Variants in RYR3 observed in about 807,000 individuals in gnomAD.
The protein encoded by RYR3 is ryanodine receptor 3.
RYR3 carries 207 observed loss-of-function variants against 584.3 expected under a neutral mutation model. That is an observed-to-expected ratio of 0.35 (90% CI 0.32 to 0.40). The LOEUF (loss-of-function observed/expected upper bound fraction) is 0.40. RYR3 is among the 10% of genes least tolerant of loss of function. The probability of loss-of-function intolerance (pLI) is 1.00; values close to 1 mark genes in which losing one functional copy is unlikely to be tolerated. For synonymous variants in RYR3, 2,416 were observed against 2,248.5 expected (o/e 1.07, Z -2.11); for missense variants, 5,616 against 6,089.2 (o/e 0.92, Z 2.59).
intron 60 of RYR3, among the ~76,000 whole-genome samples, chr15:33,766,791 C>G (rs1049205289): frequency 6.6e-6 from 1 of 152,212 alleles, no homozygotes; most frequent in African/African-American, 2.4e-5. Flanking sequence ...CATCTGCAGC[C>G]CTTTGCCCGT....
intron 1 of RYR3, among the ~76,000 whole-genome samples, chr15:33,437,840 C>A (rs1031241457): frequency 6.6e-6 from 1 of 152,170 alleles, no homozygotes; most frequent in Non-Finnish European, 1.5e-5. Context: ...TCAAGTGTTC[C>A]TCCCACCTCA....
intron 2 of RYR3, among the ~76,000 whole-genome samples, chr15:33,488,653 C>T (rs557319980): frequency 6.6e-6 from 1 of 152,042 alleles, no homozygotes; most frequent in Non-Finnish European, 1.5e-5. Flanking sequence ...GAGATCGAGA[C>T]CATCCTGGCC....
At chr15:33,546,496 A>T (rs1220054626) in intron 8 of RYR3, among the ~76,000 whole-genome samples, 1 of 152,192 alleles carries the variant, frequency 6.6e-6, no homozygotes, top group African/African-American at 2.4e-5. Flanking sequence ...AAGATTGAGA[A>T]ATAGCCTCTG....
chr15:33,338,665 T>C (rs1012085799), intron 1 of RYR3, among the ~76,000 whole-genome samples: 2 of 152,070 alleles, frequency 1.3e-5, no homozygotes, highest in Admixed American at 6.6e-5. Flanking sequence ...GGGAGGCAGG[T>C]TTTCGTGACC....
intron 16 of RYR3, among the ~76,000 whole-genome samples, chr15:33,591,277 T>C (rs1449203212): frequency 6.6e-6 from 1 of 152,254 alleles, no homozygotes; most frequent in Non-Finnish European, 1.5e-5. Context: ...TCCTCTCTTA[T>C]GATTTGTTCT....
chr15:33,781,865 G>C (rs1484122417), intron 65 of RYR3, among the ~76,000 whole-genome samples: 2 of 151,598 alleles, frequency 1.3e-5, no homozygotes, highest in South Asian at 2.1e-4. Flanking sequence ...AAAAAGGGGG[G>C]GGGGATTTCC....
intron 2 of RYR3, among the ~76,000 whole-genome samples, chr15:33,499,657 T>G (rs1023428092): frequency 6.6e-6 from 1 of 152,188 alleles, no homozygotes; most frequent in Non-Finnish European, 1.5e-5. Flanking sequence ...TAAAAAACCT[T>G]AGTTTATTTT....
rs1208495941 is a variant in RYR3, at chr15:33,713,410, GGC to G, written c.6619+6357_6619+6358del. Among the ~76,000 whole-genome samples the G allele has an allele frequency of 2.0e-5, 3 of 151,880 alleles. 1 individual carries two copies. Among genetic ancestry groups the G allele is most frequent in the Non-Finnish European group, 4.4e-5 (3 of 67,978 alleles). ...TGAAGGTAGACATGGTGATGGTGGT[GGC>G]TGATGATGATGGTGATGATGGGATA... is the stretch of plus-strand genomic sequence containing the variant. On this transcript the variant is annotated intron_variant, in intron 43 of 103. Transcript: ENST00000634891.
intron 1 of RYR3, among the ~76,000 whole-genome samples, chr15:33,427,399 A>G (rs1189714503): frequency 6.6e-6 from 1 of 152,216 alleles, no homozygotes; most frequent in African/African-American, 2.4e-5. Context: ...ATGTGAGCCC[A>G]GGAGTTTTAA....
intron 69 of RYR3, among the ~76,000 whole-genome samples, chr15:33,806,443 G>A (rs145156681): frequency 3.4e-4 from 51 of 151,794 alleles, no homozygotes; most frequent in Non-Finnish European, 4.3e-4. Flanking sequence ...ACTTGAGGCC[G>A]AGAGTTCAAT....
At chr15:33,669,890 TG>T (rs2063739238) in intron 37 of RYR3, among the ~76,000 whole-genome samples, 3 of 132,554 alleles carry the variant, frequency 2.3e-5, no homozygotes, top group African/African-American at 5.7e-5. Context: ...GGTGTGTGTG[TG>T]TGTGTGTGTG....
chr15:33,752,681 G>C (rs1206770718), intron 57 of RYR3, among the ~76,000 whole-genome samples: 1 of 152,204 alleles, frequency 6.6e-6, no homozygotes, highest in Non-Finnish European at 1.5e-5. Context: ...TGCAAACAGA[G>C]ACAATTTGAC....
intron 94 of RYR3, among the ~76,000 whole-genome samples, chr15:33,848,773 T>C (rs1300954380): frequency 6.6e-6 from 1 of 151,464 alleles, no homozygotes; most frequent in Non-Finnish European, 1.5e-5. Context: ...GCTTCAGCTT[T>C]TCCATAGCCT....
chr15:33,406,746 C>T (rs1300262953), intron 1 of RYR3, among the ~76,000 whole-genome samples: 1 of 152,144 alleles, frequency 6.6e-6, no homozygotes. Flanking sequence ...AAATAACTAT[C>T]CCAGGCCATT....
intron 1 of RYR3, among the ~76,000 whole-genome samples, chr15:33,397,556 G>A (rs894641536): frequency 6.6e-6 from 1 of 152,180 alleles, no homozygotes; most frequent in Non-Finnish European, 1.5e-5. Flanking sequence ...AATCAGAGCC[G>A]TAGTCATGGC....
intron 39 of RYR3, 148 bp from the exon 40 acceptor site, chr15:33,697,734 C>G (rs962834866): frequency 7.0e-6 from 4 of 567,852 alleles, no homozygotes; most frequent in Admixed American, 5.8e-5. Context: ...CACATATATT[C>G]CAGCTGAACT....
chr15:33,723,024 C>T (rs1172395921), intron 44 of RYR3, 129 bp downstream of exon 44: 1 of 815,264 alleles, frequency 1.2e-6, no homozygotes, highest in East Asian at 2.7e-5. Context: ...AAACATTGAC[C>T]CTTCATCGAG....
rs191721217 is a variant in RYR3 at position 33,701,183 on chromosome 15, C to A, written c.6483+103C>A. ...GATGGAGTCTCTGTCACTGTATCGT[C>A]ATCTTGGTGGGCTTGTAGGGAAAGT... On this transcript the variant is annotated intron_variant, in intron 42 of 103. Transcript: ENST00000634891. 9.5e-4 allele frequency: 656 copies of A among 691,160 alleles called. 2 individuals are homozygous for A. The highest frequency in any genetic ancestry group is 1.5e-3 in the Admixed American group (62 of 41,224). The allele number at this position is 691,160 out of a possible 1,614,324, so 42.8% of individuals were successfully genotyped here.
intron 38 of RYR3, among the ~76,000 whole-genome samples, chr15:33,681,943 A>G (rs1354676331): frequency 6.6e-6 from 1 of 152,110 alleles, no homozygotes; most frequent in Non-Finnish European, 1.5e-5. Context: ...AATGTACTTC[A>G]TTGCGTGATG....
Sources: gnomAD v4.1 joint callset for allele counts (sites outside exome capture counted in the v4.1 genomes callset) on GRCh38, gnomAD v4.1.1 for gene constraint, MANE v1.5 for transcripts, NCBI Gene and HGNC (gene_info 2026-07-23, HGNC 2026-07-21) for gene names.